The following EXOC4 variants were observed in gnomAD, a reference collection of about 807,000 sequenced individuals.
EXOC4 encodes exocyst complex component 4, also known as SEC8-like 1.
A neutral mutation model predicts 107.2 loss-of-function variants in EXOC4; 71 were observed. That is an observed-to-expected ratio of 0.66 (90% CI 0.55 to 0.81). The LOEUF is 0.81. EXOC4 is among the 30% of genes least tolerant of loss of function. EXOC4 has a pLI of 0.00. For missense variants in EXOC4, 1,108 were observed against 1,189.6 expected, an observed-to-expected ratio of 0.93 and a Z score of 1.01; for synonymous variants, 456 against 441.2, an observed-to-expected ratio of 1.03 and a Z score of -0.42.
chr7:133,318,295 G>A (rs946244483), intron 5 of EXOC4, among the ~76,000 whole-genome samples: 2 of 152,218 alleles, frequency 1.3e-5, no homozygotes, highest in African/African-American at 4.8e-5. Flanking sequence ...GAGGGCAGGA[G>A]GGTATACTTT....
chr7:133,896,732 C>G (rs1232739886), intron 12 of EXOC4, among the ~76,000 whole-genome samples: 1 of 148,784 alleles, frequency 6.7e-6, no homozygotes, highest in Non-Finnish European at 1.5e-5. Flanking sequence ...ATGGCACAAT[C>G]TTGGCTCACT....
Position 133,923,403 on chromosome 7 carries a change from A to G in EXOC4, c.2027+5665A>G, listed in dbSNP as rs928143347. ...CCTTATAGTGTTGTATGAGAGTTCT[A>G]GTTGCCCCATATCTCACCAGCACTT... On this transcript the variant is annotated intron_variant, in intron 13 of 17. Coordinates refer to ENST00000253861, the MANE Select transcript of EXOC4 (RefSeq NM_021807.4). Among the ~76,000 whole-genome samples, 5 of 152,140 alleles carry G rather than the reference A, an allele frequency of 3.3e-5. No homozygotes were observed. The South Asian group carries it at 8.3e-4, about 25-fold the overall frequency.
At chr7:134,044,207 C>A (rs533686473) in intron 17 of EXOC4, among the ~76,000 whole-genome samples, 1 of 152,184 alleles carries the variant, frequency 6.6e-6, no homozygotes, top group Non-Finnish European at 1.5e-5. Context: ...ATATCCAGGT[C>A]ATGAGAGCAG....
the EXOC4 span, among the ~76,000 whole-genome samples, chr7:134,074,915 CTGGACCA>C: frequency 3.0e-4 from 45 of 152,096 alleles, no homozygotes; most frequent in African/African-American, 1.1e-3. Context: ...GAAAATGGAA[CTGGACCA>C]TGGTCTTGAA....
the EXOC4 span, among the ~76,000 whole-genome samples, chr7:134,074,104 G>A: frequency 3.9e-4 from 59 of 152,290 alleles, no homozygotes; most frequent in African/African-American, 7.7e-4. Flanking sequence ...TGGAGCTACC[G>A]TGCATGCTAC....
At chr7:133,879,212 A>G (rs969860060) in intron 11 of EXOC4, among the ~76,000 whole-genome samples, 1 of 152,048 alleles carries the variant, frequency 6.6e-6, no homozygotes, top group Non-Finnish European at 1.5e-5. Flanking sequence ...CTCCCACATC[A>G]GCCTCCAGAG....
chr7:133,998,282 A>G (rs1794442969), intron 15 of EXOC4, among the ~76,000 whole-genome samples: 1 of 152,180 alleles, frequency 6.6e-6, no homozygotes, highest in South Asian at 2.1e-4. Flanking sequence ...ACAGCACATC[A>G]CAATTTGGAC....
rs77756677 is a variant in EXOC4 at position 133,850,714 on chromosome 7, A to G, written c.1734+33170A>G. ...GATGGTCATCCGGCCTCTGCTGAATACAGACCTTAGCAGGAAACTTCCCAT... is the reference window on the plus strand; with the variant it reads ...GATGGTCATCCGGCCTCTGCTGAATGCAGACCTTAGCAGGAAACTTCCCAT... On this transcript the variant is annotated intron_variant, in intron 11 of 17. Transcript: ENST00000253861. 5.7e-3 allele frequency among the ~76,000 whole-genome samples: 860 copies of G among 152,048 alleles called. 4 individuals carry two copies. Among genetic ancestry groups the G allele is most frequent in the Non-Finnish European group, 0.01 (692 of 67,964 alleles).
intron 5 of EXOC4, among the ~76,000 whole-genome samples, chr7:133,348,866 G>A (rs1194765858): frequency 6.6e-6 from 1 of 152,104 alleles, no homozygotes; most frequent in African/African-American, 2.4e-5. Flanking sequence ...ATAAGCTTAA[G>A]ACTTCCTGGT....
chr7:134,075,103 C>T, the EXOC4 span, among the ~76,000 whole-genome samples: 1 of 152,214 alleles, frequency 6.6e-6, no homozygotes, highest in Non-Finnish European at 1.5e-5. Flanking sequence ...GCAAACCTGC[C>T]TAGCAGGAGG....
chr7:133,435,810 G>T (rs1797957758), intron 7 of EXOC4, among the ~76,000 whole-genome samples: 1 of 152,084 alleles, frequency 6.6e-6, no homozygotes, highest in Non-Finnish European at 1.5e-5. Flanking sequence ...TTAATTTCTA[G>T]AAGTATCTAG....
At chr7:133,968,660 A>C (rs1383108520) in intron 14 of EXOC4, among the ~76,000 whole-genome samples, 1 of 152,090 alleles carries the variant, frequency 6.6e-6, no homozygotes, top group East Asian at 1.9e-4. Flanking sequence ...AGAATGTTGA[A>C]TATTGGCCCC....
chr7:133,385,302 C>T (rs979964620), intron 7 of EXOC4, among the ~76,000 whole-genome samples: 1 of 152,168 alleles, frequency 6.6e-6, no homozygotes, highest in African/African-American at 2.4e-5. Context: ...CTATTTTTTT[C>T]TGCCACTTCG....
intron 12 of EXOC4, among the ~76,000 whole-genome samples, chr7:133,914,600 G>A (rs578245332): frequency 1.6e-4 from 25 of 151,654 alleles, no homozygotes; most frequent in East Asian, 7.7e-4. Flanking sequence ...TACTACCTGC[G>A]TAGGGAGAAA....
chr7:133,645,928 T>G (rs963270843), intron 10 of EXOC4, among the ~76,000 whole-genome samples: 1 of 152,188 alleles, frequency 6.6e-6, no homozygotes, highest in African/African-American at 2.4e-5. Context: ...TTGCAATCTT[T>G]ATTGCTTTAT....
intron 5 of EXOC4, 48 bp from the exon 6 acceptor site, chr7:133,356,282 T>A: frequency 1.3e-6 from 2 of 1,589,280 alleles, no homozygotes; most frequent in Middle Eastern, 1.7e-4. Flanking sequence ...TGTTTTGGGG[T>A]TTTTGAGTGG....
chr7:133,807,929 A>AT (rs1797117033), intron 10 of EXOC4, among the ~76,000 whole-genome samples: 1 of 152,178 alleles, frequency 6.6e-6, no homozygotes, highest in Non-Finnish European at 1.5e-5. Flanking sequence ...TCATGGTAAG[A>AT]TTTTTTTAAG....
chr7:133,857,347 A>ACG (rs1454321623), intron 11 of EXOC4, among the ~76,000 whole-genome samples: 1 of 30,900 alleles, frequency 3.2e-5, no homozygotes, highest in Non-Finnish European at 5.6e-5. Flanking sequence ...ATATATATAT[A>ACG]TATATATATA....
intron 9 of EXOC4, among the ~76,000 whole-genome samples, chr7:133,604,976 C>T (rs1192371275): frequency 2.6e-5 from 4 of 151,962 alleles, no homozygotes; most frequent in Non-Finnish European, 5.9e-5. Context: ...CCACCCACCT[C>T]GGCCTCCCAA....
Sources: gnomAD v4.1 joint callset for allele counts (sites outside exome capture counted in the v4.1 genomes callset) on GRCh38, gnomAD v4.1.1 for gene constraint, MANE v1.5 for transcripts, NCBI Gene and HGNC (gene_info 2026-07-23, HGNC 2026-07-21) for gene names.